Variants in NCOA2 observed in about 807,000 individuals in gnomAD.
NCOA2 encodes nuclear receptor coactivator 2.
NCOA2 carries 21 observed loss-of-function variants against 145.1 expected under a neutral mutation model. The ratio of observed to expected loss-of-function variants is 0.14; its 90% CI spans 0.10 to 0.21. The LOEUF (loss-of-function observed/expected upper bound fraction) is 0.21, where lower values mean the gene tolerates loss of function less well. Among genes scored for constraint, NCOA2 ranks in the 10% least tolerant of loss-of-function variants. The pLI, the probability that NCOA2 is intolerant of heterozygous loss-of-function variation, is 1.00. For synonymous variants in NCOA2, 619 were observed against 637.5 expected, an observed-to-expected ratio of 0.97 and a Z score of 0.44; for missense variants, 1,472 against 1,837.6, an observed-to-expected ratio of 0.80 and a Z score of 3.64.
intron 14 of NCOA2, 42 bp downstream of exon 14, chr8:70,141,142 G>A: frequency 6.4e-7 from 1 of 1,558,790 alleles, no homozygotes; most frequent in Non-Finnish European, 8.8e-7. Context: ...TTTTCTAAGA[G>A]AGCATAAAAG....
chr8:70,226,145 T>C (rs1820615146), intron 2 of NCOA2, among the ~76,000 whole-genome samples: 1 of 152,148 alleles, frequency 6.6e-6, no homozygotes, highest in Non-Finnish European at 1.5e-5. Context: ...GTTATCAAAA[T>C]ATTAGCAGTT....
intron 1 of NCOA2, among the ~76,000 whole-genome samples, chr8:70,353,815 G>T (rs1238112455): frequency 6.6e-6 from 1 of 152,088 alleles, no homozygotes; most frequent in Non-Finnish European, 1.5e-5. Flanking sequence ...CAGTGTCCTA[G>T]AATTGTTTGC....
intron 10 of NCOA2, 34 bp from the exon 11 acceptor site, chr8:70,157,274 A>G: frequency 6.7e-7 from 1 of 1,498,828 alleles, no homozygotes; most frequent in Non-Finnish European, 8.9e-7. Context: ...ATGTAAGATA[A>G]AAGGAAAAAT....
chr8:70,274,664 ATATT>A (rs1375804165), intron 2 of NCOA2, among the ~76,000 whole-genome samples: 1 of 152,208 alleles, frequency 6.6e-6, no homozygotes, highest in Non-Finnish European at 1.5e-5. Context: ...GATCAAGCAA[ATATT>A]TATTCTCATA....
intron 2 of NCOA2, among the ~76,000 whole-genome samples, chr8:70,230,447 CT>C (rs1821034929): frequency 6.6e-6 from 1 of 152,146 alleles, no homozygotes; most frequent in African/African-American, 2.4e-5. Flanking sequence ...GAATTGTACA[CT>C]TTAAAAAGGC....
intron 1 of NCOA2, among the ~76,000 whole-genome samples, chr8:70,349,353 C>T (rs1808965158): frequency 6.6e-6 from 1 of 152,012 alleles, no homozygotes; most frequent in East Asian, 1.9e-4. Flanking sequence ...GAGAAACAGA[C>T]ATTATCAAAT....
rs1808735471 is a variant in NCOA2, at chr8:70,128,721, T to C, written c.3584A>G (p.His1195Arg). ...QPNQLRLQLQ[H>R]RLQAQQNRQP... ...ACAGACCTGCTGTGCTTGGAGGCGA[T>C]GCTGAAGTTGAAGTCTTAGTTGATT... Residue 1195 changes from histidine (H) to arginine (R), a missense_variant, in exon 17 of 23, where the codon CAT (histidine) becomes CGT (arginine). Transcript: ENST00000452400. 1 of 1,613,850 alleles carries C rather than the reference T, an allele frequency of 6.2e-7. No individual in the cohort carries two copies. The highest frequency in any genetic ancestry group is 8.5e-7 in the Non-Finnish European group (1 of 1,179,878).
the NCOA2 span, among the ~76,000 whole-genome samples, chr8:70,415,619 G>T: frequency 2.6e-5 from 4 of 152,174 alleles, no homozygotes; most frequent in African/African-American, 9.7e-5. Context: ...AATATTGGGT[G>T]ACTGTGACCA....
intron 1 of NCOA2, among the ~76,000 whole-genome samples, chr8:70,305,909 A>T (rs1248282816): frequency 6.6e-6 from 1 of 152,200 alleles, no homozygotes; most frequent in Non-Finnish European, 1.5e-5. Context: ...AGTAGTTAGT[A>T]CCTAGCCACA....
At chr8:70,208,964 G>A (rs1316356466) in intron 4 of NCOA2, among the ~76,000 whole-genome samples, 1 of 152,212 alleles carries the variant, frequency 6.6e-6, no homozygotes, top group Non-Finnish European at 1.5e-5. Context: ...TTGTAAGGGT[G>A]TATCTGCCAC....
At chr8:70,341,836 A>T (rs2136479767) in intron 1 of NCOA2, among the ~76,000 whole-genome samples, 1 of 152,352 alleles carries the variant, frequency 6.6e-6, no homozygotes, top group South Asian at 2.1e-4. Flanking sequence ...CCAATGCTCA[A>T]ATGCATTCCA....
At chr8:70,385,447 G>C (rs1456197790) in intron 1 of NCOA2, among the ~76,000 whole-genome samples, 3 of 151,964 alleles carry the variant, frequency 2.0e-5, no homozygotes, top group African/African-American at 7.3e-5. Context: ...TTTATTTTTT[G>C]AAACAGAGTC....
chr8:70,159,242 A>ATATATATATATATATTTTTTT, intron 10 of NCOA2, among the ~76,000 whole-genome samples: 36 of 61,066 alleles, frequency 5.9e-4, no homozygotes, highest in African/African-American at 1.9e-3. Flanking sequence ...ATATATATAT[A>ATATATATATATATATTTTTTT]TTTTTTTTTT....
At chr8:70,212,258 C>A (rs555068411) in intron 4 of NCOA2, among the ~76,000 whole-genome samples, 1 of 152,212 alleles carries the variant, frequency 6.6e-6, no homozygotes, top group South Asian at 2.1e-4. Flanking sequence ...TGGTTAATAA[C>A]TTTAACCAAT....
At chr8:70,423,368 A>G in the NCOA2 span, among the ~76,000 whole-genome samples, 1 of 152,074 alleles carries the variant, frequency 6.6e-6, no homozygotes, top group African/African-American at 2.4e-5. Context: ...TTTTTAGTAA[A>G]GACGGGATTT....
rs1003884953 is a variant in NCOA2 at position 70,254,699 on chromosome 8, T to C, written c.-19-37935A>G. 1.8e-4 allele frequency among the ~76,000 whole-genome samples: 15 copies of C among 85,278 alleles called. No homozygotes were observed. The East Asian group carries it at 6.3e-3, about 36-fold the overall frequency. 55.9% of individuals were successfully genotyped at this position (85,278 alleles called of 152,430 possible). ...GGTGGTTACCAGGGGCGGGCGGGGG[T>C]GGGGGCAGGTAGGAATGGGGAGTTA... On this transcript the variant is annotated intron_variant, in intron 2 of 22. Transcript: ENST00000452400.
chr8:70,359,484 C>T (rs182870877), intron 1 of NCOA2, among the ~76,000 whole-genome samples: 5 of 152,206 alleles, frequency 3.3e-5, no homozygotes, highest in East Asian at 1.9e-4. Context: ...GAATATGATA[C>T]TATTTATATG....
intron 2 of NCOA2, among the ~76,000 whole-genome samples, chr8:70,255,214 G>A (rs887859874): frequency 2.6e-5 from 4 of 152,162 alleles, no homozygotes; most frequent in African/African-American, 9.7e-5. Flanking sequence ...ACCACCTGTT[G>A]TGTGCCCAAG....
intron 2 of NCOA2, among the ~76,000 whole-genome samples, chr8:70,259,068 T>A (rs1586280699): frequency 6.6e-6 from 1 of 152,224 alleles, no homozygotes; most frequent in East Asian, 1.9e-4. Flanking sequence ...GACAGATCAC[T>A]GCTCATGCTT....
Sources: allele counts gnomAD v4.1 joint callset (sites outside exome capture counted in the v4.1 genomes callset), GRCh38; gene constraint gnomAD v4.1.1; transcripts MANE v1.5; gene names NCBI Gene and HGNC (gene_info 2026-07-23, HGNC 2026-07-21).